PALS1: variants seen among roughly 807,000 people sequenced by gnomAD.
The protein encoded by PALS1 is protein associated with LIN7 1, MAGUK p55 family member.
A neutral mutation model predicts 78.9 loss-of-function variants in PALS1; 31 were observed. That is an observed-to-expected ratio of 0.39 (90% confidence interval 0.30 to 0.53). The LOEUF (loss-of-function observed/expected upper bound fraction) is 0.53. Among genes scored for constraint, PALS1 ranks in the 20% least tolerant of loss-of-function variants. The probability of loss-of-function intolerance (pLI) is 0.67; values close to 1 mark genes in which losing one functional copy is unlikely to be tolerated. For synonymous variants in PALS1, 276 were observed against 270.9 expected, an observed-to-expected ratio of 1.02 and a Z score of -0.18; for missense variants, 704 against 826.5, an observed-to-expected ratio of 0.85 and a Z score of 1.82.
At chr14:67,331,525 G>A (rs1183629430) in intron 14 of PALS1, among the ~76,000 whole-genome samples, 1 of 152,140 alleles carries the variant, frequency 6.6e-6, no homozygotes, top group Admixed American at 6.5e-5. Flanking sequence ...AGGCTTGAGA[G>A]TGGCTATCTA....
At chr14:67,254,873 G>C (rs779071112) in intron 1 of PALS1, among the ~76,000 whole-genome samples, 1 of 152,122 alleles carries the variant, frequency 6.6e-6, no homozygotes, top group South Asian at 2.1e-4. Context: ...ATCTCTGGCC[G>C]GGCGCAGTGG....
intron 3 of PALS1, among the ~76,000 whole-genome samples, chr14:67,281,592 TTC>T (rs1247524279): frequency 1.3e-5 from 2 of 152,144 alleles, no homozygotes; most frequent in Non-Finnish European, 2.9e-5. Context: ...GGATTGATTC[TTC>T]TGTTTTTCTG....
At chr14:67,284,770 T>C (rs1236358997) in intron 3 of PALS1, among the ~76,000 whole-genome samples, 3 of 152,050 alleles carry the variant, frequency 2.0e-5, no homozygotes, top group Non-Finnish European at 2.9e-5. Flanking sequence ...CTGGCCTCTT[T>C]TCACTTACCA....
intron 14 of PALS1, among the ~76,000 whole-genome samples, chr14:67,332,485 G>A (rs1258693422): frequency 1.3e-5 from 2 of 152,168 alleles, no homozygotes; most frequent in African/African-American, 2.4e-5. Context: ...GAAACAGTGT[G>A]TGTTCTTGAA....
chr14:67,332,497 C>G (rs1385930619), intron 14 of PALS1, among the ~76,000 whole-genome samples: 2 of 151,996 alleles, frequency 1.3e-5, no homozygotes, highest in African/African-American at 4.8e-5. Flanking sequence ...GTTCTTGAAG[C>G]TTGTAGTTTT....
chr14:67,258,015 C>G (rs1197935228), intron 1 of PALS1, among the ~76,000 whole-genome samples: 2 of 151,792 alleles, frequency 1.3e-5, no homozygotes, highest in Non-Finnish European at 2.9e-5. Flanking sequence ...TGGGAAAAAT[C>G]TCTCTCCTCT....
intron 4 of PALS1, among the ~76,000 whole-genome samples, chr14:67,299,936 A>C (rs1415879749): frequency 6.6e-6 from 1 of 152,200 alleles, no homozygotes; most frequent in Non-Finnish European, 1.5e-5. Flanking sequence ...CAAGACTACA[A>C]ATTTCATTTA....
At chr14:67,285,161 TAA>T (rs1469834419) in intron 3 of PALS1, among the ~76,000 whole-genome samples, 1 of 152,162 alleles carries the variant, frequency 6.6e-6, no homozygotes, top group Non-Finnish European at 1.5e-5. Context: ...AAAGAAATCT[TAA>T]AAGTTTCAGA....
chr14:67,319,543 A>G (rs1315984693), intron 11 of PALS1, among the ~76,000 whole-genome samples: 1 of 152,034 alleles, frequency 6.6e-6, no homozygotes, highest in East Asian at 1.9e-4. Flanking sequence ...TCCCTGGGCC[A>G]CATTAGAAGA....
At chr14:67,292,748 C>T in intron 4 of PALS1, 29 bp downstream of exon 4, 2 of 1,552,796 alleles carry the variant, frequency 1.3e-6, no homozygotes, top group Non-Finnish European at 1.8e-6. Flanking sequence ...TTGTTGATGT[C>T]TACAAGGTAA....
At chr14:67,244,416 G>A (rs568040080) in intron 1 of PALS1, among the ~76,000 whole-genome samples, 2 of 152,176 alleles carry the variant, frequency 1.3e-5, no homozygotes, top group Non-Finnish European at 2.9e-5. Context: ...ACTGGGCATC[G>A]TAAGATTTTA....
At chr14:67,276,841 T>G (rs2084514108) in intron 2 of PALS1, among the ~76,000 whole-genome samples, 1 of 152,196 alleles carries the variant, frequency 6.6e-6, no homozygotes, top group African/African-American at 2.4e-5. Context: ...CCGGTCTCTC[T>G]TGCATGACTT....
At chr14:67,248,133 T>C (rs543317067) in intron 1 of PALS1, among the ~76,000 whole-genome samples, 2 of 152,344 alleles carry the variant, frequency 1.3e-5, no homozygotes, top group African/African-American at 4.8e-5. Flanking sequence ...ATTTTTCAAA[T>C]GTTGAACCAT....
chr14:67,297,449 AAATTT>A (rs1346909072), intron 4 of PALS1, among the ~76,000 whole-genome samples: 1 of 152,204 alleles, frequency 6.6e-6, no homozygotes, highest in East Asian at 1.9e-4. Context: ...TGTGTTTCTC[AAATTT>A]AACAGGAAAA....
intron 1 of PALS1, among the ~76,000 whole-genome samples, chr14:67,258,754 T>C (rs1595565562): frequency 1.3e-5 from 2 of 152,062 alleles, no homozygotes; most frequent in East Asian, 3.9e-4. Context: ...AACTCCTTAA[T>C]AACAAAGTAA....
At chr14:67,272,359 C>T in intron 2 of PALS1, among the ~76,000 whole-genome samples, 1 of 152,128 alleles carries the variant, frequency 6.6e-6, no homozygotes, top group East Asian at 1.9e-4. Flanking sequence ...ATTTCTCCAT[C>T]TTGTCTTTAA....
chr14:67,301,422 G>A lies in PALS1; in HGVS notation c.610G>A (p.Glu204Lys), dbSNP rs2084931423. Residue 204 changes from glutamate (E) to lysine (K), a missense_variant, in exon 5 of 15, where the codon GAA becomes AAA. By Grantham distance (56) the Glu-to-Lys change is moderately conservative. Transcript: ENST00000261681. Reference protein sequence around the residue: ...QTVLKPVHHKEGQELTALLNT... With the variant: ...QTVLKPVHHKKGQELTALLNT... The stretch of plus-strand genomic sequence containing the variant: ...TGTTTTGAAGCCAGTTCATCATAAG[G>A]AAGGACAAGAACTAACTGCTTTGCT... 1 of 1,610,268 alleles carries A rather than the reference G, an allele frequency of 6.2e-7. No homozygotes were observed. The highest frequency in any genetic ancestry group is 1.7e-5 in the Admixed American group (1 of 59,890).
rs540817339 is a variant in PALS1 at position 67,277,926 on chromosome 14, T to C, written c.-153-1092T>C. On this transcript the variant is annotated intron_variant, in intron 2 of 14. Coordinates refer to ENST00000261681, the MANE Select transcript of PALS1 (RefSeq NM_022474.4). ...AGTTCAGTTTTCTTATCTCCCTGTTTACTGTGATCTTTTTGCTGTACAGTA... is the reference window on the plus strand; with the variant it reads ...AGTTCAGTTTTCTTATCTCCCTGTTCACTGTGATCTTTTTGCTGTACAGTA... Among the ~76,000 whole-genome samples the C allele has an allele frequency of 1.1e-3, 172 of 152,332 alleles. 1 individual carries two copies. Among genetic ancestry groups the C allele is most frequent in the African/African-American group, 4.0e-3 (166 of 41,576 alleles).
chr14:67,242,428 G>A (rs147120691), intron 1 of PALS1, among the ~76,000 whole-genome samples: 14 of 152,242 alleles, frequency 9.2e-5, no homozygotes, highest in African/African-American at 2.6e-4. Context: ...GCAGTGAAAG[G>A]TGTTAATATT....
Sources: allele counts gnomAD v4.1 joint callset (sites outside exome capture counted in the v4.1 genomes callset), GRCh38; gene constraint gnomAD v4.1.1; transcripts MANE v1.5; gene names NCBI Gene and HGNC (gene_info 2026-07-23, HGNC 2026-07-21).